The following BRD9 variants were observed in gnomAD, a reference collection of about 807,000 sequenced individuals.
BRD9 encodes bromodomain containing 9, also known as bromodomain-containing protein 9.
BRD9 carries 47 observed loss-of-function variants against 68.7 expected under a neutral mutation model. That is an observed-to-expected ratio of 0.68 (90% confidence interval 0.54 to 0.87). The LOEUF (loss-of-function observed/expected upper bound fraction) is 0.87, where lower values mean the gene tolerates loss of function less well. Among genes scored for constraint, BRD9 ranks in the 40% least tolerant of loss-of-function variants. The pLI is 0.00. For synonymous variants in BRD9, 313 were observed against 293.9 expected (o/e 1.06, Z -0.67); for missense variants, 670 against 748.4 (o/e 0.90, Z 1.22).
chr5:880,928 T>C (rs569139969), intron 9 of BRD9, among the ~76,000 whole-genome samples, 179 bp downstream of exon 9: 2 of 152,336 alleles, frequency 1.3e-5, no homozygotes, highest in African/African-American at 4.8e-5. Flanking sequence ...CCCCGCGAGA[T>C]GGCCGTCCAC....
intron 12 of BRD9, among the ~76,000 whole-genome samples, chr5:875,350 T>A (rs539524099): frequency 5.3e-4 from 67 of 125,318 alleles, no homozygotes; most frequent in African/African-American, 2.5e-3. Context: ...CTTCAGACGC[T>A]TTTTTTTTTT....
At chr5:872,891 T>C (rs778108977) in intron 12 of BRD9, among the ~76,000 whole-genome samples, 1 of 152,178 alleles carries the variant, frequency 6.6e-6, no homozygotes, top group Non-Finnish European at 1.5e-5. Flanking sequence ...CACTGTTCCC[T>C]GTAGAAAGAA....
intron 7 of BRD9, among the ~76,000 whole-genome samples, chr5:885,423 G>A (rs1406487818): frequency 1.3e-5 from 2 of 152,204 alleles, no homozygotes; most frequent in Non-Finnish European, 2.9e-5. Context: ...CAGCACCGCT[G>A]CCGCCCCACC....
rs934268948 is a variant in BRD9, at chr5:876,320, C to T, written c.1272-108G>A. The T allele has an allele frequency of 1.2e-4, 91 of 751,068 alleles. No homozygotes were observed. The Admixed American group carries it at 1.4e-3, about 11-fold the overall frequency. 46.5% of individuals were successfully genotyped at this position (751,068 alleles called of 1,614,324 possible). ...CGTGCCAGCGCAGCTCCTCGGTCCC[C>T]GTGACCCTCCCAGAGCGGGTATTTT... On this transcript the variant is annotated intron_variant, in intron 11 of 15. Coordinates refer to ENST00000467963, the MANE Select transcript of BRD9 (RefSeq NM_023924.5).
At chr5:885,945 AAG>A (rs760154471) in intron 7 of BRD9, among the ~76,000 whole-genome samples, 9 of 152,190 alleles carry the variant, frequency 5.9e-5, no homozygotes, top group Non-Finnish European at 1.3e-4. Context: ...CCATGAGACA[AAG>A]AGCCCCCATG....
intron 9 of BRD9, 31 bp downstream of exon 9, chr5:881,076 A>G: frequency 1.9e-6 from 3 of 1,608,660 alleles, no homozygotes; most frequent in Non-Finnish European, 2.6e-6. Flanking sequence ...GTGTACGGAG[A>G]GCATAAAGCC....
chr5:874,116 T>C (rs559339661), intron 12 of BRD9, among the ~76,000 whole-genome samples: 62 of 152,304 alleles, frequency 4.1e-4, no homozygotes, highest in African/African-American at 1.5e-3. Flanking sequence ...TGTTTTTTTA[T>C]CTTTTTTTTG....
At position 884,138 on chromosome 5, in the gene BRD9, C is replaced by T. The variant is rs1025010715; in HGVS notation, c.834-68G>A. 8.9e-6 allele frequency: 14 copies of T among 1,576,558 alleles called. 1 individual carries two copies. The African/African-American group carries it at 1.1e-4, about 12-fold the overall frequency. On this transcript the variant is annotated intron_variant, in intron 7 of 15. Coordinates refer to ENST00000467963, the MANE Select transcript of BRD9 (RefSeq NM_023924.5). ...CACCGCACACCTGCTCCCCATGCGT[C>T]GGCACCTAACCCAGCTTCTACCGAC... is the stretch of plus-strand genomic sequence containing the variant.
At position 883,988 on chromosome 5, in the gene BRD9, C is replaced by T. The variant is rs375839207; in HGVS notation, c.916G>A (p.Ala306Thr). Reference sequence around the variant, plus strand: ...ATCCTGTCCCGAGCTTCGTCAGCTGCGTGCTCCACCAGCGCCAGCACGTGC... The same window carrying T: ...ATCCTGTCCCGAGCTTCGTCAGCTGTGTGCTCCACCAGCGCCAGCACGTGC... ...EEHVLALVEH[A>T]ADEARDRINR... Residue 306 changes from alanine to threonine, a missense_variant, in exon 8 of 16, where the codon GCA becomes ACA. Transcript: ENST00000467963. 4 of 1,613,586 alleles carry T rather than the reference C, an allele frequency of 2.5e-6. No homozygotes were observed. Among genetic ancestry groups the T allele is most frequent in the Non-Finnish European group, 3.4e-6 (4 of 1,180,038 alleles).
At chr5:877,995 A>T (rs1476615086) in intron 11 of BRD9, among the ~76,000 whole-genome samples, 1 of 152,192 alleles carries the variant, frequency 6.6e-6, no homozygotes, top group Non-Finnish European at 1.5e-5. Context: ...CCACACCTTC[A>T]TGGCAAATGC....
rs776584066 is a variant in BRD9, at chr5:881,147, C to T, written c.1002G>A (p.Leu334=). Residue 334 remains leucine (L), a synonymous_variant, in exon 9 of 16, where the codon CTG becomes CTA. Coordinates refer to ENST00000467963, the MANE Select transcript of BRD9 (RefSeq NM_023924.5). ...GYLKRNGDGS[L]LYSVVNTAEP... is the part of the protein sequence containing the mutation. ...CGGCCGTGTTGACCACGCTGTAGAG[C>T]AGGCTCCCGTCCCCGTTCCTCTTCA... 2.5e-6 allele frequency: 4 copies of T among 1,614,004 alleles called. No individual in the cohort carries two copies. The highest frequency in any genetic ancestry group is 2.7e-5 in the African/African-American group (2 of 74,954).
At chr5:883,838 C>T (rs1283717639) in intron 8 of BRD9, 100 bp downstream of exon 8, 20 of 1,499,682 alleles carry the variant, frequency 1.3e-5, no homozygotes, top group African/African-American at 2.8e-5. Context: ...CTCTGGATCC[C>T]GGTGGCTGTG....
At position 891,246 on chromosome 5, in the gene BRD9, C is replaced by T; in HGVS notation, c.309G>A (p.Thr103=). The T allele has an allele frequency of 1.3e-6, 2 of 1,551,896 alleles. No homozygotes were observed. The highest frequency in any genetic ancestry group is 1.7e-6 in the Non-Finnish European group (2 of 1,147,050). Reference sequence around the variant, plus strand: ...GATCAAAGTCGTCAGCCTCTCCCTCCGTGTCACAGTGCTCCCTCTCTCGCT... The same window carrying T: ...GATCAAAGTCGTCAGCCTCTCCCTCTGTGTCACAGTGCTCCCTCTCTCGCT... ...KRKREREHCD[T]EGEADDFDPG... Residue 103 remains threonine (T), a synonymous_variant, in exon 3 of 16, where the codon ACG becomes ACA. Transcript: ENST00000467963.
At chr5:883,324 A>G (rs758806091) in intron 8 of BRD9, 1 of 456,658 alleles carries the variant, frequency 2.2e-6, no homozygotes, top group Non-Finnish European at 4.4e-6. Context: ...ATAGAGGTGA[A>G]ATGAAACCTG....
Position 891,447 on chromosome 5 carries a change from G to C in BRD9, c.268-160C>G. 4 of 1,330,212 alleles carry C rather than the reference G, an allele frequency of 3.0e-6. No homozygotes were observed. In the South Asian group the frequency reaches 4.6e-5, roughly 15 times the overall value. The allele number at this position is 1,330,212 out of a possible 1,614,324, so 82.4% of individuals were successfully genotyped here. On this transcript the variant is annotated intron_variant, in intron 2 of 15. Transcript: ENST00000467963. ...CTCCCTCCTCACAGAGACCCTGGCA[G>C]GGTCTGCTGAGGAACAGCACACCCA...
rs760544747 is a variant in BRD9 at position 864,319 on chromosome 5, A to G, written c.*149T>C. The G allele has an allele frequency of 1.3e-5, 8 of 605,174 alleles. No homozygotes were observed. In the East Asian group the frequency reaches 2.2e-4, roughly 16 times the overall value. The allele number at this position is 605,174 out of a possible 1,614,324, so 37.5% of individuals were successfully genotyped here. A position where few individuals can be genotyped will look rare whatever the true frequency, so the allele number is the denominator to read the frequency against. ...CGTGGGGCTTGGAGACTCTGCTGAC[A>G]TGATACCACAGACAATTCATTACCT... On this transcript the variant is annotated 3_prime_UTR_variant, in exon 16 of 16. Transcript: ENST00000467963.
chr5:875,525 T>C (rs1016482217), intron 12 of BRD9, among the ~76,000 whole-genome samples: 1 of 152,058 alleles, frequency 6.6e-6, no homozygotes, highest in African/African-American at 2.4e-5. Flanking sequence ...TTTTTTCTAT[T>C]TTTTAGTAGA....
Position 886,652 on chromosome 5 carries a change from A to G in BRD9, c.773T>C (p.Val258Ala), listed in dbSNP as rs1487839525. The change falls in exon 7 of 16, where the codon GTT becomes GCT. Residue 258 changes from valine to alanine, a missense_variant. This residue lies in a region of BRD9 where 135 missense variants were observed against 141.2 expected (regional missense o/e 0.96). Transcript: ENST00000467963. ...GGCAGTTTCTACTTGTACTGGTACA[A>G]CTTCAGGGACAGGTTCCTCAACAGC... ...DTAVEEPVPE[V>A]VPVQVETAKK... The G allele has an allele frequency of 1.2e-6, 2 of 1,614,036 alleles. No homozygotes were observed. Among genetic ancestry groups the G allele is most frequent in the Non-Finnish European group, 1.7e-6 (2 of 1,180,016 alleles).
rs761948572 is a variant in BRD9 at position 887,384 on chromosome 5, C to T, written c.694G>A (p.Ala232Thr). The T allele has an allele frequency of 9.3e-6, 15 of 1,613,252 alleles. No individual in the cohort carries two copies. The highest frequency in any genetic ancestry group is 2.2e-5 in the East Asian group (1 of 44,884). ...ACTTTGCTCATCATCTTAAAGCCTG[C>T]GTGAAGGATCTTCTTCGCCAACTTG... Reference protein sequence around the residue: ...YYKLAKKILHAGFKMMSKQAA... With the variant: ...YYKLAKKILHTGFKMMSKQAA... The change falls in exon 6 of 16, where the codon GCA (alanine) becomes ACA (threonine). Residue 232 changes from alanine (A) to threonine (T), a missense_variant. Physicochemically the swap from Ala to Thr is moderately conservative, Grantham distance 58 (BLOSUM62 0). Coordinates refer to ENST00000467963, the MANE Select transcript of BRD9 (RefSeq NM_023924.5).
Sources: gnomAD v4.1 joint callset for allele counts (sites outside exome capture counted in the v4.1 genomes callset) on GRCh38, gnomAD v4.1.1 for gene constraint, gnomAD v4.1.1 regional missense constraint, MANE v1.5 for transcripts, NCBI Gene and HGNC (gene_info 2026-07-23, HGNC 2026-07-21) for gene names.